HPSE2: variants seen among roughly 807,000 people sequenced by gnomAD.
The protein encoded by HPSE2 is heparanase 2 (inactive), also known as inactive heparanase-2.
Under a neutral mutation model 60.5 loss-of-function variants are expected in HPSE2, and 38 were observed. The observed-to-expected ratio is 0.63, with a 90% CI of 0.48 to 0.82. The LOEUF is 0.82. Among genes scored for constraint, HPSE2 ranks in the 40% least tolerant of loss-of-function variants. The pLI is 0.00. For synonymous variants in HPSE2, 295 were observed against 293.2 expected (o/e 1.01, Z -0.06); for missense variants, 713 against 740.4 (o/e 0.96, Z 0.43).
intron 3 of HPSE2, among the ~76,000 whole-genome samples, chr10:98,979,402 C>A (rs1425326222): frequency 6.6e-6 from 1 of 151,966 alleles, no homozygotes; most frequent in African/African-American, 2.4e-5. Context: ...GAGATGATGA[C>A]CTATTTTTTA....
chr10:98,877,700 T>G (rs1952915133), intron 3 of HPSE2, among the ~76,000 whole-genome samples: 2 of 151,944 alleles, frequency 1.3e-5, no homozygotes, highest in Non-Finnish European at 2.9e-5. Context: ...AGCTAAAAAT[T>G]AAATGTGCAG....
At chr10:98,667,252 C>G (rs905541620) in intron 6 of HPSE2, among the ~76,000 whole-genome samples, 1 of 152,056 alleles carries the variant, frequency 6.6e-6, no homozygotes, top group Non-Finnish European at 1.5e-5. Context: ...CTGAACAGAA[C>G]AATAATAAAC....
At chr10:99,153,265 C>T (rs1846362925) in intron 2 of HPSE2, among the ~76,000 whole-genome samples, 1 of 152,178 alleles carries the variant, frequency 6.6e-6, no homozygotes, top group African/African-American at 2.4e-5. Context: ...TCAAGGAGAC[C>T]TGCCTGCCTC....
At chr10:99,228,986 C>A (rs568644442) in intron 2 of HPSE2, among the ~76,000 whole-genome samples, 1 of 151,914 alleles carries the variant, frequency 6.6e-6, no homozygotes, top group African/African-American at 2.4e-5. Context: ...ACCAGCCTGG[C>A]CAACATGGTG....
At chr10:98,768,575 C>A (rs1950175158) in intron 3 of HPSE2, among the ~76,000 whole-genome samples, 1 of 152,146 alleles carries the variant, frequency 6.6e-6, no homozygotes, top group Admixed American at 6.6e-5. Flanking sequence ...CAGTACCCAG[C>A]ACAGAGTGGT....
At chr10:98,973,669 T>G (rs1369845881) in intron 3 of HPSE2, among the ~76,000 whole-genome samples, 2 of 152,202 alleles carry the variant, frequency 1.3e-5, no homozygotes, top group African/African-American at 2.4e-5. Flanking sequence ...AAGGTAAATC[T>G]TAAGTTTACC....
chr10:98,639,005 C>T (rs539492), intron 7 of HPSE2, among the ~76,000 whole-genome samples: 40,941 of 152,064 alleles, frequency 0.27, 6,178 homozygotes, highest in East Asian at 0.51. Flanking sequence ...CAGAATCTTG[C>T]CACTCCCGCA....
chr10:99,065,692 A>T (rs1842592205), intron 3 of HPSE2, among the ~76,000 whole-genome samples: 1 of 152,204 alleles, frequency 6.6e-6, no homozygotes, highest in Non-Finnish European at 1.5e-5. Context: ...TTCTAGAAGA[A>T]ATATCTAAGC....
the HPSE2 span, among the ~76,000 whole-genome samples, chr10:99,305,979 G>GCGCGCGCGCGCACA: frequency 1.1e-4 from 9 of 80,580 alleles, no homozygotes; most frequent in African/African-American, 3.8e-4. Context: ...GCGCGCGCGC[G>GCGCGCGCGCGCACA]CACACACACA....
chr10:98,987,165 C>T (rs1327463214), intron 3 of HPSE2, among the ~76,000 whole-genome samples: 2 of 152,002 alleles, frequency 1.3e-5, no homozygotes, highest in African/African-American at 2.4e-5. Context: ...CATCCTGATA[C>T]CAAAGCCTGG....
intron 9 of HPSE2, among the ~76,000 whole-genome samples, chr10:98,591,727 A>G (rs1945097136): frequency 6.6e-6 from 1 of 151,990 alleles, no homozygotes; most frequent in African/African-American, 2.4e-5. Flanking sequence ...GAAATTGATT[A>G]TTTTCTTTAA....
At chr10:98,936,989 A>C (rs1287704297) in intron 3 of HPSE2, among the ~76,000 whole-genome samples, 2 of 140,100 alleles carry the variant, frequency 1.4e-5, no homozygotes, top group Admixed American at 7.1e-5. Flanking sequence ...AAAAAAAAAA[A>C]AAAAAAAAAA....
chr10:98,574,296 A>T (rs535530984), intron 9 of HPSE2, among the ~76,000 whole-genome samples: 1 of 152,330 alleles, frequency 6.6e-6, no homozygotes, highest in Non-Finnish European at 1.5e-5. Context: ...TCTACATAGC[A>T]CATAAATATA....
At chr10:98,641,777 G>T in intron 7 of HPSE2, 70 bp downstream of exon 7, 1 of 1,169,240 alleles carries the variant, frequency 8.6e-7, no homozygotes, top group Non-Finnish European at 1.3e-6. Context: ...TGCCCAGCTG[G>T]GACTTTGTGT....
chr10:99,222,185 G>A (rs1048520082), intron 2 of HPSE2, among the ~76,000 whole-genome samples: 3 of 152,086 alleles, frequency 2.0e-5, no homozygotes, highest in African/African-American at 7.2e-5. Context: ...ACACTGTGCT[G>A]CTATGTTATA....
At chr10:98,788,669 C>T (rs927656632) in intron 3 of HPSE2, among the ~76,000 whole-genome samples, 1 of 152,136 alleles carries the variant, frequency 6.6e-6, no homozygotes, top group Non-Finnish European at 1.5e-5. Flanking sequence ...TTAAGCCGGT[C>T]TGAAAAGCGC....
chr10:99,248,708 C>A, the HPSE2 span, among the ~76,000 whole-genome samples: 1 of 152,218 alleles, frequency 6.6e-6, no homozygotes, highest in African/African-American at 2.4e-5. Flanking sequence ...ATTTCAGAGA[C>A]CTTTGTGGCA....
chr10:99,072,211 C>T (rs572678986), intron 3 of HPSE2, among the ~76,000 whole-genome samples: 13 of 152,112 alleles, frequency 8.5e-5, no homozygotes, highest in Admixed American at 4.6e-4. Context: ...CAAAAATCTA[C>T]GCAATACCAT....
At chr10:98,977,269 A>G (rs189328261) in intron 3 of HPSE2, among the ~76,000 whole-genome samples, 4 of 152,304 alleles carry the variant, frequency 2.6e-5, no homozygotes, top group Middle Eastern at 3.4e-3. Context: ...TGTAGTGCCT[A>G]TGATGTGCAG....
Sources: allele counts gnomAD v4.1 joint callset (sites outside exome capture counted in the v4.1 genomes callset), GRCh38; gene constraint gnomAD v4.1.1; transcripts MANE v1.5; gene names NCBI Gene and HGNC (gene_info 2026-07-23, HGNC 2026-07-21).